PSMC5: variants seen among roughly 807,000 people sequenced by gnomAD.
PSMC5 encodes the protein 26S proteasome regulatory subunit 8.
In PSMC5, 11 loss-of-function variants were observed where a neutral mutation model predicts 49.1. The observed-to-expected ratio is 0.22, with a 90% CI of 0.14 to 0.37. The LOEUF (loss-of-function observed/expected upper bound fraction) is 0.37. Among genes scored for constraint, PSMC5 ranks in the 10% least tolerant of loss-of-function variants. The pLI, the probability that PSMC5 is intolerant of heterozygous loss-of-function variation, is 1.00. For missense variants in PSMC5, 229 were observed against 520.9 expected, an observed-to-expected ratio of 0.44 and a Z score of 5.45; for synonymous variants, 206 against 192.2, an observed-to-expected ratio of 1.07 and a Z score of -0.59.
chr17:63,828,602 C>CA (rs2040141534), intron 2 of PSMC5: 1 of 193,894 alleles, frequency 5.2e-6, no homozygotes, highest in African/African-American at 2.4e-5. Flanking sequence ...GGAAGGGCAT[C>CA]ATTGAGGGAT....
intron 3 of PSMC5, 62 bp from the exon 4 acceptor site, chr17:63,829,790 A>T (rs2040159985): frequency 6.5e-7 from 1 of 1,529,844 alleles, no homozygotes; most frequent in African/African-American, 1.4e-5. Flanking sequence ...ATGCACGTAG[A>T]ATTGGGTCCT....
At chr17:63,827,861 GC>G in intron 1 of PSMC5, 5 of 1,429,708 alleles carry the variant, frequency 3.5e-6, no homozygotes, top group Non-Finnish European at 4.6e-6. Flanking sequence ...AGCACTTCAC[GC>G]AGTGCAAAGC....
Position 63,830,338 on chromosome 17 carries a change from A to G in PSMC5, c.389A>G (p.Lys130Arg). ...SYTLHKILPN[K>R]VDPLVSLMMV... The stretch of plus-strand genomic sequence containing the variant: ...ACTCTGCACAAGATCCTGCCCAACA[A>G]GGTAGACCCATTAGTGTCACTGATG... Residue 130 changes from lysine (K) to arginine (R), a missense_variant, in exon 6 of 12, where the codon AAG becomes AGG. Around this residue, in one of 4 missense-constraint regions of PSMC5, gnomAD observed 10 missense variants for 22.3 expected, o/e 0.45. Coordinates refer to ENST00000310144, the MANE Select transcript of PSMC5 (RefSeq NM_002805.6). This position sits in a 1 kb window ranked among gnomAD's most constrained non-coding sequence, Gnocchi z 4.0. The G allele has an allele frequency of 3.1e-6, 5 of 1,614,218 alleles. No individual in the cohort carries two copies. The highest frequency in any genetic ancestry group is 4.2e-6 in the Non-Finnish European group (5 of 1,180,046).
rs1396567612 is a variant in PSMC5, at chr17:63,830,235, A to G, written c.322-36A>G. On this transcript the variant is annotated intron_variant, in intron 5 of 11. Coordinates refer to ENST00000310144, the MANE Select transcript of PSMC5 (RefSeq NM_002805.6). The surrounding 1 kb of genome is among the most constrained non-coding windows in gnomAD (Gnocchi z 4.0). ...GGTGGTGGTGGTGGGGTCAGCTCTT[A>G]CTGTACCACTTCTGAAACTCGCCCC... The G allele has an allele frequency of 6.2e-7, 1 of 1,613,928 alleles. No homozygotes were observed. Among genetic ancestry groups the G allele is most frequent in the African/African-American group, 1.3e-5 (1 of 74,976 alleles).
At chr17:63,827,951 T>C (rs1378379374) in intron 1 of PSMC5, 187 bp from the exon 2 acceptor site, 3 of 1,305,592 alleles carry the variant, frequency 2.3e-6, no homozygotes, top group Admixed American at 2.8e-5. Flanking sequence ...TCTTTTATTT[T>C]AGTCCTGGGA....
At position 63,831,965 on chromosome 17, in the gene PSMC5, A is replaced by G; in HGVS notation, c.1217A>G (p.Lys406Arg). Residue 406 changes from lysine to arginine, a missense_variant, in exon 12 of 12, where the codon AAG becomes AGG. By Grantham distance (26) the Lys-to-Arg change is conservative (BLOSUM62 2). Coordinates refer to ENST00000310144, the MANE Select transcript of PSMC5 (RefSeq NM_002805.6). This position sits in a 1 kb window ranked among gnomAD's most constrained non-coding sequence, Gnocchi z 6.3. ...EKNMSIKKLW[K>R] Reference sequence around the variant, plus strand: ...AACATGTCCATCAAGAAATTATGGAAGTGAGTGGACAGCCTTTGTGTGTAT... The same window carrying G: ...AACATGTCCATCAAGAAATTATGGAGGTGAGTGGACAGCCTTTGTGTGTAT... 1 of 1,613,708 alleles carries G rather than the reference A, an allele frequency of 6.2e-7. No individual in the cohort carries two copies. Among genetic ancestry groups the G allele is most frequent in the Non-Finnish European group, 8.5e-7 (1 of 1,179,590 alleles).
chr17:63,828,095 C>T (rs1567756252), intron 1 of PSMC5, 43 bp from the exon 2 acceptor site: 4 of 1,610,056 alleles, frequency 2.5e-6, no homozygotes, highest in African/African-American at 1.3e-5. Flanking sequence ...TTTACCCCCT[C>T]GGATGTTTAA....
rs562332514 is a variant in PSMC5, at chr17:63,827,841, G to T, written c.25-297G>T. 48 of 1,429,122 alleles carry T rather than the reference G, an allele frequency of 3.4e-5. No homozygotes were observed. In the Middle Eastern group the frequency reaches 9.6e-4, roughly 29 times the overall value. 88.5% of individuals were successfully genotyped at this position (1,429,122 alleles called of 1,614,324 possible). On this transcript the variant is annotated intron_variant, in intron 1 of 11. Coordinates refer to ENST00000310144, the MANE Select transcript of PSMC5 (RefSeq NM_002805.6). ...GCTCCTTCGTCAGTACTGACACCTC[G>T]GGCTTGTAGAGCACTTCACGCAGTG...
Position 63,830,639 on chromosome 17 carries a change from TG to T in PSMC5, c.552+142del. ...TGGCCCTCCCCCTGAAAAGAGTGGC[TG>T]GGGAAGTGTTCCTAGGGCGGTGAGG... On this transcript the variant is annotated intron_variant, in intron 6 of 11. Coordinates refer to ENST00000310144, the MANE Select transcript of PSMC5 (RefSeq NM_002805.6). The surrounding 1 kb of genome is among the most constrained non-coding windows in gnomAD (Gnocchi z 4.0). 1 of 1,463,870 alleles carries T rather than the reference TG, an allele frequency of 6.8e-7. No homozygotes were observed. The highest frequency in any genetic ancestry group is 1.4e-5 in the African/African-American group (1 of 71,036). 90.7% of individuals were successfully genotyped at this position (1,463,870 alleles called of 1,614,324 possible).
intron 2 of PSMC5, 141 bp downstream of exon 2, chr17:63,828,350 G>A (rs1194930162): frequency 2.6e-6 from 2 of 767,666 alleles, no homozygotes; most frequent in African/African-American, 1.8e-5. Context: ...TAGCTAGTAG[G>A]GTGTATGTAT....
intron 1 of PSMC5, 51 bp downstream of exon 1, chr17:63,827,565 C>T (rs1473385677): frequency 6.4e-7 from 1 of 1,550,662 alleles, no homozygotes; most frequent in African/African-American, 1.4e-5. Flanking sequence ...GGGTGCGGAG[C>T]GAGCGTGATC....
At chr17:63,827,776 G>A (rs2040128439) in intron 1 of PSMC5, 1 of 1,431,314 alleles carries the variant, frequency 7.0e-7, no homozygotes, top group Non-Finnish European at 9.1e-7. Flanking sequence ...CCCACGGGTC[G>A]CAGGAGACGG....
At chr17:63,828,320 C>CT in intron 2 of PSMC5, 111 bp downstream of exon 2, 2 of 1,075,478 alleles carry the variant, frequency 1.9e-6, no homozygotes, top group Non-Finnish European at 2.7e-6. Flanking sequence ...GCTGCTGCTT[C>CT]TCCTTTCTTG....
chr17:63,827,701 C>A, intron 1 of PSMC5, 187 bp downstream of exon 1: 1 of 1,446,162 alleles, frequency 6.9e-7, no homozygotes. Context: ...CAGGGCAAGG[C>A]TGGGAGAGGA....
Position 63,831,927 on chromosome 17 carries a change from G to A in PSMC5, c.1179G>A (p.Lys393=). Reference sequence around the variant, plus strand: ...TCTCCCACCCCTAGGTCATGCAGAAGGACAGTGAGAAAAACATGTCCATCA... The same window carrying A: ...TCTCCCACCCCTAGGTCATGCAGAAAGACAGTGAGAAAAACATGTCCATCA... ...FEMAVAKVMQ[K]DSEKNMSIKK... is the part of the protein sequence containing the mutation. Residue 393 remains lysine (K), a synonymous_variant, in exon 12 of 12, where the codon AAG becomes AAA. Coordinates refer to ENST00000310144, the MANE Select transcript of PSMC5 (RefSeq NM_002805.6). This position sits in a 1 kb window ranked among gnomAD's most constrained non-coding sequence, Gnocchi z 6.3. 6.2e-7 allele frequency: 1 copy of A among 1,614,014 alleles called. No individual in the cohort carries two copies. The highest frequency in any genetic ancestry group is 8.5e-7 in the Non-Finnish European group (1 of 1,179,874).
chr17:63,827,474 T>G lies in PSMC5; in HGVS notation c.-17T>G. ...CAAGACGGCTCGGATGCCGGCGGTC[T>G]CTGCTGAAGAGAGAAGATGGCGCTT... On this transcript the variant is annotated 5_prime_UTR_variant, in exon 1 of 12. Coordinates refer to ENST00000310144, the MANE Select transcript of PSMC5 (RefSeq NM_002805.6). 1 of 1,551,698 alleles carries G rather than the reference T, an allele frequency of 6.4e-7. No homozygotes were observed. Among genetic ancestry groups the G allele is most frequent in the Non-Finnish European group, 8.7e-7 (1 of 1,146,992 alleles).
intron 1 of PSMC5, chr17:63,827,780 G>A: frequency 7.0e-7 from 1 of 1,431,594 alleles, no homozygotes; most frequent in Non-Finnish European, 9.1e-7. Context: ...CGGGTCGCAG[G>A]AGACGGGACG....
chr17:63,829,696 C>G, intron 3 of PSMC5, 133 bp downstream of exon 3: 1 of 1,217,794 alleles, frequency 8.2e-7, no homozygotes, highest in East Asian at 2.5e-5. Flanking sequence ...ACATGCATCT[C>G]TTTTTCCTGA....
chr17:63,827,540 G>GC, intron 1 of PSMC5, 26 bp downstream of exon 1: 1 of 1,551,596 alleles, frequency 6.4e-7, no homozygotes, highest in Non-Finnish European at 8.7e-7. Flanking sequence ...TGGCGGCCCG[G>GC]CAGGTTACGG....
Sources: gnomAD v4.1 joint callset for allele counts on GRCh38, gnomAD v4.1.1 for gene constraint, gnomAD v4.1.1 regional missense constraint, Gnocchi (gnomAD v3.1) non-coding constraint, MANE v1.5 for transcripts, NCBI Gene and HGNC (gene_info 2026-07-23, HGNC 2026-07-21) for gene names.